APBB2: variants seen among roughly 807,000 people sequenced by gnomAD.
The protein encoded by APBB2 is amyloid beta precursor protein binding family B member 2.
In APBB2, 38 loss-of-function variants were observed where a neutral mutation model predicts 82.5. The observed-to-expected ratio is 0.46, with a 90% CI of 0.36 to 0.60. The LOEUF (loss-of-function observed/expected upper bound fraction) is 0.60, where lower values mean the gene tolerates loss of function less well. Ranked by LOEUF, APBB2 falls within the 20% of genes least tolerant of loss-of-function variation. The pLI is 0.00. For synonymous variants in APBB2, 341 were observed against 368.2 expected, an observed-to-expected ratio of 0.93 and a Z score of 0.85; for missense variants, 772 against 972.3, an observed-to-expected ratio of 0.79 and a Z score of 2.74.
intron 6 of APBB2, among the ~76,000 whole-genome samples, chr4:40,987,609 C>T (rs1372269720): frequency 6.6e-6 from 1 of 152,162 alleles, no homozygotes; most frequent in Non-Finnish European, 1.5e-5. Context: ...GGACTGCACA[C>T]AGTCTCTGTG....
chr4:41,189,061 G>T (rs1215082329), intron 1 of APBB2, among the ~76,000 whole-genome samples: 1 of 152,120 alleles, frequency 6.6e-6, no homozygotes, highest in Non-Finnish European at 1.5e-5. Flanking sequence ...GAAATGCCTG[G>T]TAAGTGTCTA....
At chr4:41,014,451 A>ACAG in intron 5 of APBB2, 53 bp from the exon 6 acceptor site, 1 of 1,478,364 alleles carries the variant, frequency 6.8e-7, no homozygotes, top group South Asian at 1.2e-5. Context: ...TACTTAGTAT[A>ACAG]CAGTGTGAGT....
intron 1 of APBB2, among the ~76,000 whole-genome samples, chr4:41,206,290 G>A (rs7682183): frequency 0.011 from 1,732 of 152,256 alleles, 40 homozygotes; most frequent in African/African-American, 0.039. Context: ...TGCCACTCTC[G>A]CAGGATTAGG....
intron 3 of APBB2, among the ~76,000 whole-genome samples, chr4:41,099,730 A>G (rs1310802357): frequency 6.6e-6 from 1 of 152,196 alleles, no homozygotes; most frequent in Admixed American, 6.5e-5. Flanking sequence ...ACTCATTTAT[A>G]CTGCCAGAAA....
intron 15 of APBB2, among the ~76,000 whole-genome samples, chr4:40,824,486 ACC>A (rs1293789046): frequency 1.3e-5 from 2 of 152,040 alleles, no homozygotes; most frequent in Non-Finnish European, 2.9e-5. Flanking sequence ...CGCACCCATC[ACC>A]ATCATCAATT....
chr4:40,961,698 AAAGAAACCAGTTTCCT>A (rs1793352680), intron 6 of APBB2, among the ~76,000 whole-genome samples: 1 of 64,716 alleles, frequency 1.5e-5, no homozygotes, highest in African/African-American at 5.3e-5. Flanking sequence ...AAAAAAAAAA[AAAGAAACCAGTTTCCT>A]GATTCTCATC....
intron 10 of APBB2, among the ~76,000 whole-genome samples, chr4:40,895,914 T>C (rs1773538463): frequency 2.0e-5 from 3 of 152,316 alleles, no homozygotes; most frequent in South Asian, 2.1e-4. Context: ...TGGTGAGTGG[T>C]AGATCCAGGA....
rs1264896683 is a variant in APBB2, at chr4:40,934,486, A to G, written c.1224T>C (p.Ser408=). Reference sequence around the variant, plus strand: ...CTTCTGGGTCACTGTTGATACTACAAGAATCATCATCATCAGGGTGTGGGG... The same window carrying G: ...CTTCTGGGTCACTGTTGATACTACAGGAATCATCATCATCAGGGTGTGGGG... ...RNAPHPDDDD[S]CSINSDPEAK... The change falls in exon 10 of 18, where the codon TCT becomes TCC. Residue 408 remains serine (S), a synonymous_variant. Coordinates refer to ENST00000508593, the MANE Select transcript of APBB2 (RefSeq NM_004307.2). 2 of 1,614,112 alleles carry G rather than the reference A, an allele frequency of 1.2e-6. No individual in the cohort carries two copies. The highest frequency in any genetic ancestry group is 1.7e-6 in the Non-Finnish European group (2 of 1,180,038).
At chr4:41,076,320 T>A (rs1356640646) in intron 3 of APBB2, among the ~76,000 whole-genome samples, 1 of 152,214 alleles carries the variant, frequency 6.6e-6, no homozygotes, top group Non-Finnish European at 1.5e-5. Flanking sequence ...CAAGTCATTT[T>A]AAGGAGTAAA....
At chr4:41,062,585 C>T (rs963296677) in intron 4 of APBB2, among the ~76,000 whole-genome samples, 18 of 151,928 alleles carry the variant, frequency 1.2e-4, no homozygotes, top group Non-Finnish European at 2.2e-4. Flanking sequence ...GGATCAACAC[C>T]GGGAAAAGAA....
At chr4:41,025,827 G>A (rs1372359745) in intron 5 of APBB2, among the ~76,000 whole-genome samples, 14 of 150,138 alleles carry the variant, frequency 9.3e-5, no homozygotes, top group Admixed American at 1.3e-4. Flanking sequence ...GCTGATGGCC[G>A]GAGAATCTCT....
chr4:40,999,836 T>C (rs1240363871), intron 6 of APBB2, among the ~76,000 whole-genome samples: 1 of 152,040 alleles, frequency 6.6e-6, no homozygotes, highest in Non-Finnish European at 1.5e-5. Flanking sequence ...TATAAATAAT[T>C]GTTTAATTGT....
intron 1 of APBB2, among the ~76,000 whole-genome samples, chr4:41,151,595 G>C (rs1413185552): frequency 6.6e-6 from 1 of 150,780 alleles, no homozygotes; most frequent in Non-Finnish European, 1.5e-5. Context: ...TTTTCTGAAA[G>C]CGTATTTTGC....
chr4:40,930,655 GGAGT>G (rs1784007020), intron 10 of APBB2, among the ~76,000 whole-genome samples: 1 of 151,850 alleles, frequency 6.6e-6, no homozygotes, highest in South Asian at 2.1e-4. Context: ...TTTTAAGTAG[GGAGT>G]AAGGAAGATA....
chr4:41,017,355 A>G (rs552830236), intron 5 of APBB2, among the ~76,000 whole-genome samples: 1 of 152,232 alleles, frequency 6.6e-6, no homozygotes, highest in Non-Finnish European at 1.5e-5. Flanking sequence ...TAGGAGTTAC[A>G]TATCAGCTAG....
intron 3 of APBB2, among the ~76,000 whole-genome samples, chr4:41,097,337 C>T (rs767412598): frequency 1.3e-5 from 2 of 152,196 alleles, no homozygotes; most frequent in Non-Finnish European, 1.5e-5. Context: ...TGTCTGGCTA[C>T]AGTAAACACC....
chr4:41,062,686 C>T (rs544549579), intron 4 of APBB2, among the ~76,000 whole-genome samples: 13 of 152,152 alleles, frequency 8.5e-5, no homozygotes, highest in East Asian at 1.9e-4. Flanking sequence ...TGTGTGCCCC[C>T]GGAAAAGCAG....
rs1192070200 is a variant in APBB2, at chr4:40,972,448, TA to T, written c.836-27376del. On this transcript the variant is annotated intron_variant, in intron 6 of 17. Transcript: ENST00000508593. ...ATCTCAAAAAAAAAAAAAATAATAATAAATAAATAAATAAAATAGCAAAATC... is the reference window on the plus strand; with the variant it reads ...ATCTCAAAAAAAAAAAAAATAATAATAATAAATAAATAAAATAGCAAAATC... 3.7e-3 allele frequency among the ~76,000 whole-genome samples: 550 copies of T among 150,470 alleles called. 1 individual carries two copies. Among genetic ancestry groups the T allele is most frequent in the Middle Eastern group, 0.01 (3 of 290 alleles).
chr4:41,126,256 T>C (rs1754369827), intron 2 of APBB2, among the ~76,000 whole-genome samples: 1 of 150,622 alleles, frequency 6.6e-6, no homozygotes, highest in Non-Finnish European at 1.5e-5. Flanking sequence ...TGGTGGTGCA[T>C]GCCTGTGGTC....
Sources: gnomAD v4.1 joint callset for allele counts (sites outside exome capture counted in the v4.1 genomes callset) on GRCh38, gnomAD v4.1.1 for gene constraint, MANE v1.5 for transcripts, NCBI Gene and HGNC (gene_info 2026-07-23, HGNC 2026-07-21) for gene names.